The following ERI3 variants were observed in gnomAD, a reference collection of about 807,000 sequenced individuals.
ERI3 encodes the protein ERI1 exoribonuclease 3.
A neutral mutation model predicts 44.4 loss-of-function variants in ERI3; 18 were observed. That is an observed-to-expected ratio of 0.41 (90% CI 0.28 to 0.60). The LOEUF (loss-of-function observed/expected upper bound fraction) is 0.60. ERI3 is among the 20% of genes least tolerant of loss of function. The pLI, the probability that ERI3 is intolerant of heterozygous loss-of-function variation, is 0.36. For missense variants in ERI3, 294 were observed against 435.5 expected (o/e 0.68, Z 2.89); for synonymous variants, 183 against 164.8 (o/e 1.11, Z -0.84).
At chr1:44,317,511 C>T (rs1442624404) in intron 4 of ERI3, among the ~76,000 whole-genome samples, 2 of 152,146 alleles carry the variant, frequency 1.3e-5, no homozygotes, top group African/African-American at 4.8e-5. Flanking sequence ...CAGAAAATAA[C>T]TCCTTGACAA....
chr1:44,313,114 G>A (rs759187908), intron 5 of ERI3, 55 bp downstream of exon 5: 9 of 1,469,510 alleles, frequency 6.1e-6, no homozygotes, highest in Non-Finnish European at 7.6e-6. Flanking sequence ...AGGGGAGGGA[G>A]AGAAAGGCAG....
In ERI3 at chr1:44,354,929, CA is replaced by C. The variant is rs770719515; in HGVS notation, c.97del (p.Trp33GlyfsTer36). Reference protein sequence around the residue: ...WPPAPPLTLPWTWMGPSWGQH... With the variant: ...WPPAPPLTLPXTWMGPSWGQH... ...CCCCCAACTCGGGCCCATCCAAGTCCAGGGGAGAGTAAGGGGAGGGGCGGGG... is the reference window on the plus strand; with the variant it reads ...CCCCCAACTCGGGCCCATCCAAGTCCGGGGAGAGTAAGGGGAGGGGCGGGG... On this transcript the variant is annotated frameshift_variant, in exon 1 of 9. Coordinates refer to ENST00000372257, the MANE Select transcript of ERI3 (RefSeq NM_024066.3). LOFTEE classifies it high-confidence loss of function. 2.0e-5 allele frequency: 26 copies of C among 1,330,730 alleles called. No homozygotes were observed. The highest frequency in any genetic ancestry group is 2.5e-5 in the Non-Finnish European group (26 of 1,032,402). 82.4% of individuals were successfully genotyped at this position (1,330,730 alleles called of 1,614,324 possible). A position where few individuals can be genotyped will look rare whatever the true frequency, so the allele number is the denominator to read the frequency against.
intron 6 of ERI3, among the ~76,000 whole-genome samples, chr1:44,286,153 G>A (rs573815006): frequency 4.6e-5 from 7 of 152,210 alleles, no homozygotes; most frequent in Non-Finnish European, 1.0e-4. Context: ...GAGCCTATGT[G>A]ACATCTGGAG....
At chr1:44,307,334 G>A (rs930355986) in intron 6 of ERI3, among the ~76,000 whole-genome samples, 2 of 152,040 alleles carry the variant, frequency 1.3e-5, no homozygotes, top group Non-Finnish European at 1.5e-5. Flanking sequence ...CACCTGATGT[G>A]GTAGAAAATG....
chr1:44,295,999 C>A (rs1431211018), intron 6 of ERI3, among the ~76,000 whole-genome samples: 3 of 152,180 alleles, frequency 2.0e-5, no homozygotes, highest in Non-Finnish European at 4.4e-5. Context: ...GCGTGGGCCT[C>A]CTTCTCCAGC....
intron 8 of ERI3, among the ~76,000 whole-genome samples, chr1:44,245,804 C>A (rs976544216): frequency 6.6e-6 from 1 of 152,146 alleles, no homozygotes; most frequent in Non-Finnish European, 1.5e-5. Context: ...AGAAGGGGCA[C>A]CCAGATAAAG....
intron 6 of ERI3, among the ~76,000 whole-genome samples, chr1:44,301,387 T>A (rs1299549283): frequency 6.6e-6 from 1 of 152,216 alleles, no homozygotes; most frequent in Non-Finnish European, 1.5e-5. Flanking sequence ...GCTGACCCAC[T>A]GCCCTCATGT....
intron 6 of ERI3, among the ~76,000 whole-genome samples, chr1:44,285,916 G>A (rs1366136033): frequency 6.6e-6 from 1 of 152,206 alleles, no homozygotes; most frequent in Non-Finnish European, 1.5e-5. Flanking sequence ...GATTTACCAA[G>A]ATTGTTCTGG....
chr1:44,268,780 A>G (rs1645036536), intron 7 of ERI3, among the ~76,000 whole-genome samples: 1 of 152,226 alleles, frequency 6.6e-6, no homozygotes, highest in Admixed American at 6.5e-5. Context: ...AGAGGATAAA[A>G]GACCAGAGGA....
In ERI3 at chr1:44,353,895, T is replaced by A. The variant is rs1002423033; in HGVS notation, c.136-970A>T. The A allele has an allele frequency of 2.0e-6, 2 of 984,934 alleles. 1 individual carries two copies. The highest frequency in any genetic ancestry group is 9.4e-5 in the South Asian group (2 of 21,258). The allele number at this position is 984,934 out of a possible 1,614,324, so 61.0% of individuals were successfully genotyped here. A position where few individuals can be genotyped will look rare whatever the true frequency, so the allele number is the denominator to read the frequency against. ...CAGCTCCCTTCCCCCAACCCCCACC[T>A]CCTGAGGAAAAGGCAGCCAAGTGGG... On this transcript the variant is annotated intron_variant, in intron 1 of 8. Transcript: ENST00000372257.
At chr1:44,223,508 C>CG (rs1643954839) in intron 8 of ERI3, among the ~76,000 whole-genome samples, 2 of 152,094 alleles carry the variant, frequency 1.3e-5, no homozygotes, top group Admixed American at 1.3e-4. Context: ...TTCCTGTCTC[C>CG]GGTACCCTAG....
At chr1:44,246,804 C>A (rs1009942288) in intron 8 of ERI3, among the ~76,000 whole-genome samples, 2 of 152,204 alleles carry the variant, frequency 1.3e-5, no homozygotes, top group Non-Finnish European at 2.9e-5. Context: ...CCAGCATCCA[C>A]AAGGTACCAG....
chr1:44,329,727 C>A (rs958483527), intron 3 of ERI3, among the ~76,000 whole-genome samples: 14 of 152,164 alleles, frequency 9.2e-5, no homozygotes, highest in African/African-American at 1.7e-4. Flanking sequence ...GGAATAACTA[C>A]CCACATTACC....
At chr1:44,259,689 G>GACAGACACACACACAC (rs1553185528) in intron 7 of ERI3, among the ~76,000 whole-genome samples, 2 of 140,282 alleles carry the variant, frequency 1.4e-5, no homozygotes, top group African/African-American at 5.6e-5. Context: ...AAAACACACA[G>GACAGACACACACACAC]ACACACACAC....
chr1:44,344,019 G>A lies in ERI3; in HGVS notation c.212-4697C>T, dbSNP rs565316202. Among the ~76,000 whole-genome samples the A allele has an allele frequency of 3.9e-5, 6 of 151,958 alleles. No homozygotes were observed. The East Asian group carries it at 7.8e-4, about 20-fold the overall frequency. On this transcript the variant is annotated intron_variant, in intron 2 of 8. Transcript: ENST00000372257. ...TCTGGGAGGCCAAGGCAGGCAGATC[G>A]CTTGAGGTCAGGAGTTCAAGACCAG...
At chr1:44,338,172 G>T (rs1572323839) in intron 3 of ERI3, among the ~76,000 whole-genome samples, 2 of 152,288 alleles carry the variant, frequency 1.3e-5, no homozygotes, top group South Asian at 4.2e-4. Flanking sequence ...ACCAACAATG[G>T]TACTTGCTCA....
chr1:44,232,951 T>C (rs767425924), intron 8 of ERI3, among the ~76,000 whole-genome samples: 8 of 152,220 alleles, frequency 5.3e-5, no homozygotes, highest in Non-Finnish European at 8.8e-5. Flanking sequence ...CTTTGGAGCC[T>C]GGATTGCATG....
intron 8 of ERI3, chr1:44,244,001 T>C (rs1557779375): frequency 6.6e-6 from 1 of 152,160 alleles, no homozygotes; most frequent in East Asian, 1.9e-4. Context: ...TCTTCATCTA[T>C]AAAATGGGAA....
chr1:44,282,461 T>C (rs1645309363), intron 7 of ERI3, among the ~76,000 whole-genome samples: 1 of 152,242 alleles, frequency 6.6e-6, no homozygotes, highest in Non-Finnish European at 1.5e-5. Flanking sequence ...GTAAGTCTTT[T>C]ACATAATATT....
Sources: allele counts gnomAD v4.1 joint callset (sites outside exome capture counted in the v4.1 genomes callset), GRCh38; gene constraint gnomAD v4.1.1; transcripts MANE v1.5; gene names NCBI Gene and HGNC (gene_info 2026-07-23, HGNC 2026-07-21).